DNAI3: variants seen among roughly 807,000 people sequenced by gnomAD.
DNAI3 encodes dynein axonemal intermediate chain 3.
In DNAI3, 83 loss-of-function variants were observed where a neutral mutation model predicts 115.5. The ratio of observed to expected loss-of-function variants is 0.72; its 90% CI spans 0.60 to 0.86. The LOEUF is 0.86. Among genes scored for constraint, DNAI3 ranks in the 40% least tolerant of loss-of-function variants. The pLI is 0.00. For synonymous variants in DNAI3, 320 were observed against 347.0 expected, an observed-to-expected ratio of 0.92 and a Z score of 0.86; for missense variants, 1,004 against 1,075.8, an observed-to-expected ratio of 0.93 and a Z score of 0.93.
chr1:85,079,579 T>C (rs1243552908), intron 3 of DNAI3, among the ~76,000 whole-genome samples: 5 of 151,628 alleles, frequency 3.3e-5, no homozygotes, highest in African/African-American at 1.2e-4. Context: ...GAGATGGGAG[T>C]GGACCCTGGG....
intron 19 of DNAI3, among the ~76,000 whole-genome samples, chr1:85,126,176 T>C (rs772217430): frequency 7.2e-5 from 11 of 152,242 alleles, no homozygotes; most frequent in Non-Finnish European, 1.3e-4. Context: ...CCTTATAATC[T>C]TTACTTGTCT....
chr1:85,080,218 A>AT (rs1654594225), intron 3 of DNAI3, among the ~76,000 whole-genome samples: 1 of 151,152 alleles, frequency 6.6e-6, no homozygotes, highest in African/African-American at 2.4e-5. Flanking sequence ...TGCCTGGCTA[A>AT]TTTTTTGTAT....
At chr1:85,098,499 T>G (rs1484726576) in intron 12 of DNAI3, 31 bp from the exon 13 acceptor site, 1 of 1,603,862 alleles carries the variant, frequency 6.2e-7, no homozygotes. Context: ...CCTCTGAAAT[T>G]AGCACTTAAC....
intron 13 of DNAI3, among the ~76,000 whole-genome samples, chr1:85,103,972 GA>G (rs965204316): frequency 1.5e-4 from 22 of 149,472 alleles, no homozygotes; most frequent in Non-Finnish European, 2.8e-4. Context: ...TATGTGGAGG[GA>G]AAAATCTCAG....
At chr1:85,067,154 A>G (rs1654125419) in intron 1 of DNAI3, among the ~76,000 whole-genome samples, 1 of 152,198 alleles carries the variant, frequency 6.6e-6, no homozygotes, top group South Asian at 2.1e-4. Flanking sequence ...CAGCTTATAA[A>G]TGTTTCTATC....
At chr1:85,097,777 G>A in intron 12 of DNAI3, 122 bp downstream of exon 12, 1 of 838,716 alleles carries the variant, frequency 1.2e-6, no homozygotes, top group Non-Finnish European at 1.8e-6. Context: ...AAAAAAGAAT[G>A]TTATTTCCCA....
intron 16 of DNAI3, among the ~76,000 whole-genome samples, chr1:85,116,470 A>G (rs1655820116): frequency 6.6e-6 from 1 of 152,192 alleles, no homozygotes; most frequent in Non-Finnish European, 1.5e-5. Context: ...CTTGTTTAAC[A>G]TTTCTGAGTT....
At chr1:85,112,598 A>T (rs1655690907) in intron 16 of DNAI3, among the ~76,000 whole-genome samples, 1 of 152,182 alleles carries the variant, frequency 6.6e-6, no homozygotes, top group Admixed American at 6.5e-5. Context: ...CCAACAGTTG[A>T]TATGGTTAAT....
chr1:85,072,954 C>CAAA (rs35956778), intron 2 of DNAI3, 100 bp from the exon 3 acceptor site: 4,510 of 406,282 alleles, frequency 0.011, 7 homozygotes, highest in East Asian at 0.024. Flanking sequence ...GACTCCGTCT[C>CAAA]AAAAAAAAAA....
In DNAI3 at chr1:85,132,976, G is replaced by A; in HGVS notation, c.2654G>A (p.Gly885Glu). The A allele has an allele frequency of 6.2e-7, 1 of 1,613,016 alleles. No homozygotes were observed. Among genetic ancestry groups the A allele is most frequent in the Non-Finnish European group, 8.5e-7 (1 of 1,179,714 alleles). Residue 885 changes from glycine to glutamate, a missense_variant, in exon 23 of 23, where the codon GGG becomes GAG. Transcript: ENST00000294664. ...NLGLIKVTEKGSYMEVM is the reference protein window; with the variant it reads ...NLGLIKVTEKESYMEVM The stretch of plus-strand genomic sequence containing the variant: ...GGCCTAATCAAAGTCACAGAGAAGG[G>A]GTCATACATGGAGGTGATGTAAAAA...
At chr1:85,071,857 G>A (rs1654287229) in intron 1 of DNAI3, 71 bp from the exon 2 acceptor site, 1 of 1,359,688 alleles carries the variant, frequency 7.4e-7, no homozygotes, top group South Asian at 1.3e-5. Flanking sequence ...AAATGATAAT[G>A]TTTAGTATTT....
chr1:85,096,420 A>G (rs1334390060), intron 11 of DNAI3, among the ~76,000 whole-genome samples: 1 of 151,044 alleles, frequency 6.6e-6, no homozygotes, highest in Non-Finnish European at 1.5e-5. Context: ...ACTAGAAAGC[A>G]TACACACATC....
At chr1:85,087,852 A>G (rs1337091942) in intron 7 of DNAI3, among the ~76,000 whole-genome samples, 1 of 152,204 alleles carries the variant, frequency 6.6e-6, no homozygotes. Flanking sequence ...TGCAATACAG[A>G]AGATACTTTT....
intron 16 of DNAI3, among the ~76,000 whole-genome samples, chr1:85,116,106 C>T (rs558868508): frequency 4.5e-4 from 69 of 152,282 alleles, no homozygotes; most frequent in Admixed American, 6.5e-4. Context: ...CATGAATGTA[C>T]CTTGAACTTT....
chr1:85,068,516 G>A (rs1012101021), intron 1 of DNAI3, among the ~76,000 whole-genome samples: 1 of 152,116 alleles, frequency 6.6e-6, no homozygotes, highest in African/African-American at 2.4e-5. Context: ...CTCGCAGCTG[G>A]ATTTCCTGCT....
At chr1:85,118,909 T>C (rs1655910018) in intron 17 of DNAI3, among the ~76,000 whole-genome samples, 1 of 151,932 alleles carries the variant, frequency 6.6e-6, no homozygotes, top group African/African-American at 2.4e-5. Flanking sequence ...TGAACAATAT[T>C]TGGAGTTATG....
chr1:85,073,325 T>C (rs1419440596), intron 3 of DNAI3, among the ~76,000 whole-genome samples: 3 of 152,188 alleles, frequency 2.0e-5, no homozygotes, highest in Non-Finnish European at 1.5e-5. Context: ...AAATGCATTA[T>C]ATGATTATTG....
chr1:85,108,868 G>T (rs1254076236), intron 15 of DNAI3, among the ~76,000 whole-genome samples: 1 of 152,138 alleles, frequency 6.6e-6, no homozygotes, highest in Non-Finnish European at 1.5e-5. Flanking sequence ...GTATAAACAA[G>T]CCACAATTTC....
At chr1:85,089,319 C>T (rs1413825729) in intron 7 of DNAI3, among the ~76,000 whole-genome samples, 1 of 151,150 alleles carries the variant, frequency 6.6e-6, no homozygotes, top group Admixed American at 6.6e-5. Flanking sequence ...GGCAGCCAAT[C>T]ACCAGAATCC....
Sources: allele counts gnomAD v4.1 joint callset (sites outside exome capture counted in the v4.1 genomes callset), GRCh38; gene constraint gnomAD v4.1.1; transcripts MANE v1.5; gene names NCBI Gene and HGNC (gene_info 2026-07-23, HGNC 2026-07-21).